XPA: variants seen among roughly 807,000 people sequenced by gnomAD.
XPA encodes the protein XPA, DNA damage recognition and repair factor.
Under a neutral mutation model 35.7 loss-of-function variants are expected in XPA, and 27 were observed. The ratio of observed to expected loss-of-function variants is 0.76; its 90% CI spans 0.56 to 1.04. The LOEUF (loss-of-function observed/expected upper bound fraction) is 1.04. Ranked by LOEUF, XPA falls within the 50% of genes least tolerant of loss-of-function variation. The pLI is 0.00. For synonymous variants in XPA, 133 were observed against 118.4 expected (o/e 1.12, Z -0.80); for missense variants, 354 against 342.7 (o/e 1.03, Z -0.26).
intron 2 of XPA, among the ~76,000 whole-genome samples, chr9:97,690,608 G>T (rs2808670): frequency 0.031 from 4,778 of 152,136 alleles, 119 homozygotes; most frequent in Non-Finnish European, 0.05. Flanking sequence ...GGCTGGTCTC[G>T]ATCTCCTAAC....
chr9:97,685,449 C>T (rs1769480332), intron 4 of XPA, among the ~76,000 whole-genome samples: 1 of 152,198 alleles, frequency 6.6e-6, no homozygotes, highest in South Asian at 2.1e-4. Flanking sequence ...CCAATTACTA[C>T]TACTCATCTC....
intron 5 of XPA, among the ~76,000 whole-genome samples, chr9:97,678,221 T>G (rs1221744015): frequency 6.6e-6 from 1 of 151,976 alleles, no homozygotes; most frequent in Non-Finnish European, 1.5e-5. Flanking sequence ...GCCAATATGG[T>G]GAAACCCCAT....
chr9:97,682,227 G>C (rs888985180), intron 5 of XPA: 6 of 509,936 alleles, frequency 1.2e-5, no homozygotes, highest in Non-Finnish European at 2.3e-5. Context: ...AACTGTGTCA[G>C]CTTCTTTGTG....
intron 3 of XPA, among the ~76,000 whole-genome samples, chr9:97,687,989 A>G (rs1233749067): frequency 1.3e-5 from 2 of 152,226 alleles, no homozygotes; most frequent in African/African-American, 2.4e-5. Flanking sequence ...AGAGGATTCT[A>G]TCACAAAAAC....
At chr9:97,657,028 G>A in the XPA span, among the ~76,000 whole-genome samples, 1 of 152,266 alleles carries the variant, frequency 6.6e-6, no homozygotes, top group South Asian at 2.1e-4. Context: ...GAGTGCAGTG[G>A]CACGATCTCG....
the XPA span, chr9:97,655,664 T>C: frequency 7.2e-6 from 11 of 1,534,054 alleles, no homozygotes; most frequent in Admixed American, 1.9e-5. Context: ...CCAGTTATTC[T>C]TCCTTTTTCT....
the XPA span, among the ~76,000 whole-genome samples, chr9:97,664,012 A>G: frequency 6.6e-6 from 1 of 151,764 alleles, no homozygotes; most frequent in Admixed American, 6.6e-5. Context: ...AACCCCGTCT[A>G]TACTAAAATT....
the XPA span, chr9:97,662,062 C>G: frequency 1.2e-6 from 2 of 1,613,090 alleles, no homozygotes; most frequent in Non-Finnish European, 1.7e-6. Context: ...CAGTTTTAAC[C>G]CATTGAAAAT....
the XPA span, among the ~76,000 whole-genome samples, chr9:97,667,094 G>A: frequency 6.6e-6 from 1 of 152,170 alleles, no homozygotes; most frequent in Non-Finnish European, 1.5e-5. Flanking sequence ...AACCAGTTCA[G>A]GAAGCCACAA....
chr9:97,685,150 A>G (rs1828675979), intron 4 of XPA, 110 bp from the exon 5 acceptor site: 2 of 764,588 alleles, frequency 2.6e-6, no homozygotes, highest in East Asian at 2.8e-5. Flanking sequence ...TCAAGTATAA[A>G]TTTATAAATA....
intron 5 of XPA, chr9:97,682,154 A>G (rs565576948): frequency 2.0e-5 from 8 of 397,140 alleles, no homozygotes; most frequent in East Asian, 1.4e-4. Context: ...TCAAACTGCT[A>G]AAGTAGAAGA....
chr9:97,674,240 T>G (rs566183285), downstream of XPA, among the ~76,000 whole-genome samples: 4 of 152,312 alleles, frequency 2.6e-5, no homozygotes, highest in African/African-American at 9.6e-5. Flanking sequence ...GACATCTTGC[T>G]GCCCATTCAG....
chr9:97,693,608 A>T (rs769228972), intron 2 of XPA, 41 bp downstream of exon 2: 8 of 1,566,736 alleles, frequency 5.1e-6, no homozygotes, highest in Non-Finnish European at 7.0e-6. Context: ...GTTACTCAAA[A>T]TAACCAATCT....
downstream of XPA, among the ~76,000 whole-genome samples, chr9:97,670,396 C>A (rs1828153682): frequency 6.6e-6 from 1 of 152,166 alleles, no homozygotes; most frequent in African/African-American, 2.4e-5. Flanking sequence ...TCTGCAAAAG[C>A]AAAATGCCGG....
chr9:97,680,549 A>G (rs1181933557), intron 5 of XPA, among the ~76,000 whole-genome samples: 3 of 152,192 alleles, frequency 2.0e-5, no homozygotes, highest in Non-Finnish European at 4.4e-5. Context: ...CTGAGGAGAA[A>G]CATGCTGAAG....
chr9:97,677,862 A>C (rs1415887032), intron 5 of XPA, among the ~76,000 whole-genome samples: 2 of 152,064 alleles, frequency 1.3e-5, no homozygotes, highest in East Asian at 1.9e-4. Flanking sequence ...CCAGAAGAGG[A>C]GGCAGCAACA....
chr9:97,656,224 C>A, the XPA span: 1 of 741,504 alleles, frequency 1.3e-6, no homozygotes, highest in Non-Finnish European at 2.2e-6. Context: ...AAGACTTAGG[C>A]TAAGAAAAAT....
At chr9:97,657,936 T>A in the XPA span, among the ~76,000 whole-genome samples, 18 of 140,494 alleles carry the variant, frequency 1.3e-4, no homozygotes, top group African/African-American at 4.6e-4. Context: ...ATTTTTTTTT[T>A]TTTTTTTAAC....
intron 4 of XPA, 78 bp downstream of exon 4, chr9:97,687,018 A>G (rs1828738031): frequency 6.7e-7 from 1 of 1,495,906 alleles, no homozygotes; most frequent in Non-Finnish European, 9.1e-7. Context: ...TCTGTAAGCA[A>G]AAGCCAAACC....
Sources: gnomAD v4.1 joint callset for allele counts (sites outside exome capture counted in the v4.1 genomes callset) on GRCh38, gnomAD v4.1.1 for gene constraint, MANE v1.5 for transcripts, NCBI Gene and HGNC (gene_info 2026-07-23, HGNC 2026-07-21) for gene names.